DPP10: variants seen among roughly 807,000 people sequenced by gnomAD.
The protein encoded by DPP10 is inactive dipeptidyl peptidase 10.
A neutral mutation model predicts 120.9 loss-of-function variants in DPP10; 33 were observed. That is an observed-to-expected ratio of 0.27 (90% confidence interval 0.21 to 0.37). The LOEUF (loss-of-function observed/expected upper bound fraction) is 0.37. DPP10 is among the 10% of genes least tolerant of loss of function. The pLI, the probability that DPP10 is intolerant of heterozygous loss-of-function variation, is 1.00. For synonymous variants in DPP10, 337 were observed against 326.1 expected (o/e 1.03, Z -0.36); for missense variants, 816 against 942.8 (o/e 0.87, Z 1.76).
chr2:115,464,775 T>G (rs2074214781), intron 3 of DPP10, among the ~76,000 whole-genome samples: 1 of 152,124 alleles, frequency 6.6e-6, no homozygotes, highest in African/African-American at 2.4e-5. Context: ...CCCCTTGGCC[T>G]TATGGAATCC....
chr2:115,842,382 G>A lies in DPP10; in HGVS notation c.*37G>A. On this transcript the variant is annotated 3_prime_UTR_variant, in exon 26 of 26. Coordinates refer to ENST00000410059, the MANE Select transcript of DPP10 (RefSeq NM_020868.6). ...TATACAGAACTGAAGGGAATATTGA[G>A]GCTCAATGAAACCTGACAAAGAGAC... 2 of 1,587,706 alleles carry A rather than the reference G, an allele frequency of 1.3e-6. No individual in the cohort carries two copies. The highest frequency in any genetic ancestry group is 8.6e-7 in the Non-Finnish European group (1 of 1,163,066).
rs114623637 is a variant in DPP10 at position 114,592,778 on chromosome 2, A to G, written c.60+149940A>G. Among the ~76,000 whole-genome samples the G allele has an allele frequency of 9.6e-3, 1,468 of 152,328 alleles. 25 individuals carry two copies. Among genetic ancestry groups the G allele is most frequent in the African/African-American group, 0.033 (1,389 of 41,586 alleles). ...TATATATATTCTAATGAGTATATCAAATTGAAGGTTCACAAAAATATATAC... is the reference window on the plus strand; with the variant it reads ...TATATATATTCTAATGAGTATATCAGATTGAAGGTTCACAAAAATATATAC... On this transcript the variant is annotated intron_variant, in intron 1 of 25. Coordinates refer to ENST00000410059, the MANE Select transcript of DPP10 (RefSeq NM_020868.6).
At chr2:115,474,298 GAGA>G (rs996730198) in intron 3 of DPP10, among the ~76,000 whole-genome samples, 33 of 152,256 alleles carry the variant, frequency 2.2e-4, no homozygotes, top group African/African-American at 7.9e-4. Context: ...CATATGATAA[GAGA>G]AGAAAGTGAG....
intron 4 of DPP10, among the ~76,000 whole-genome samples, chr2:115,519,403 G>A (rs980326727): frequency 6.6e-6 from 1 of 151,996 alleles, no homozygotes; most frequent in Non-Finnish European, 1.5e-5. Context: ...ATATCAAAAT[G>A]CATGGTAACA....
chr2:114,701,730 G>C (rs746175304), intron 1 of DPP10, among the ~76,000 whole-genome samples: 2 of 152,188 alleles, frequency 1.3e-5, no homozygotes, highest in Non-Finnish European at 2.9e-5. Flanking sequence ...TGATGGGAAT[G>C]GGGGGTGGGC....
intron 1 of DPP10, among the ~76,000 whole-genome samples, chr2:114,450,308 T>TACCTAATCGCCGATGTTCTC: frequency 6.6e-6 from 1 of 152,314 alleles, no homozygotes; most frequent in South Asian, 2.1e-4. Flanking sequence ...GTTATGTTCT[T>TACCTAATCGCCGATGTTCTC]ACCTAATCGC....
At chr2:114,815,481 GT>G (rs1207923882) in intron 1 of DPP10, among the ~76,000 whole-genome samples, 2 of 152,112 alleles carry the variant, frequency 1.3e-5, no homozygotes, top group Non-Finnish European at 2.9e-5. Flanking sequence ...GGACAGAAGG[GT>G]TACAATCATG....
At chr2:114,995,444 G>A (rs1021825356) in intron 1 of DPP10, among the ~76,000 whole-genome samples, 1 of 151,552 alleles carries the variant, frequency 6.6e-6, no homozygotes, top group African/African-American at 2.4e-5. Context: ...AATGAGTGCT[G>A]TATCTTATTT....
At chr2:115,139,634 C>A (rs1248385644) in intron 1 of DPP10, among the ~76,000 whole-genome samples, 1 of 142,614 alleles carries the variant, frequency 7.0e-6, no homozygotes, top group Non-Finnish European at 1.5e-5. Flanking sequence ...CTAAGTGGGC[C>A]AGAGGTGAAA....
At chr2:115,100,326 G>A (rs547188758) in intron 1 of DPP10, among the ~76,000 whole-genome samples, 3 of 152,240 alleles carry the variant, frequency 2.0e-5, no homozygotes, top group African/African-American at 7.2e-5. Context: ...GCACATGCCT[G>A]TAGTCCTAGC....
chr2:114,770,644 G>A (rs11900288), intron 1 of DPP10, among the ~76,000 whole-genome samples: 9,848 of 152,258 alleles, frequency 0.065, 963 homozygotes, highest in African/African-American at 0.21. Context: ...TTGCACATTT[G>A]TATAACTGGG....
intron 1 of DPP10, among the ~76,000 whole-genome samples, chr2:114,688,006 A>T (rs1276688266): frequency 6.6e-6 from 1 of 152,026 alleles, no homozygotes; most frequent in East Asian, 1.9e-4. Flanking sequence ...CCACTTATAG[A>T]TGATAAATTT....
At chr2:115,167,013 T>A (rs961008898) in intron 1 of DPP10, among the ~76,000 whole-genome samples, 3 of 152,194 alleles carry the variant, frequency 2.0e-5, no homozygotes, top group African/African-American at 4.8e-5. Flanking sequence ...TCACTGTCTA[T>A]GGGTTATGCA....
chr2:115,481,027 A>G (rs971917004), intron 3 of DPP10, among the ~76,000 whole-genome samples: 12 of 152,178 alleles, frequency 7.9e-5, no homozygotes, highest in Admixed American at 7.9e-4. Context: ...TATTTCTAGC[A>G]TGGCAGGAAG....
intron 3 of DPP10, among the ~76,000 whole-genome samples, chr2:115,386,959 A>T (rs866194410): frequency 1.3e-5 from 2 of 152,008 alleles, no homozygotes; most frequent in Middle Eastern, 6.8e-3. Context: ...GCCTCCCTTT[A>T]AAGAGTGCTA....
intron 5 of DPP10, among the ~76,000 whole-genome samples, chr2:115,641,098 T>A (rs947023800): frequency 6.6e-6 from 1 of 152,142 alleles, no homozygotes; most frequent in Non-Finnish European, 1.5e-5. Context: ...ACAGCAACAA[T>A]TGTACTGATT....
In DPP10 at chr2:115,554,814, A is replaced by T. The variant is rs892068777; in HGVS notation, c.441+28842A>T. 4.6e-5 allele frequency among the ~76,000 whole-genome samples: 7 copies of T among 152,102 alleles called. No homozygotes were observed. In the East Asian group the frequency reaches 1.3e-3, roughly 29 times the overall value. The stretch of plus-strand genomic sequence containing the variant: ...GTACAGGGCTCTTCTTTTTCATCAT[A>T]TCACTAAAAATATACATTTCCTTGG... On this transcript the variant is annotated intron_variant, in intron 5 of 25. Coordinates refer to ENST00000410059, the MANE Select transcript of DPP10 (RefSeq NM_020868.6).
chr2:115,604,160 C>T (rs2083546424), intron 5 of DPP10, among the ~76,000 whole-genome samples: 1 of 151,244 alleles, frequency 6.6e-6, no homozygotes, highest in African/African-American at 2.4e-5. Context: ...GATTCCCTTT[C>T]AAACAAATGA....
At chr2:115,283,508 A>T (rs765651444) in intron 1 of DPP10, among the ~76,000 whole-genome samples, 3 of 152,066 alleles carry the variant, frequency 2.0e-5, no homozygotes, top group Admixed American at 6.6e-5. Flanking sequence ...GCCATTCTTG[A>T]TAACTATTGC....
Sources: allele counts gnomAD v4.1 joint callset (sites outside exome capture counted in the v4.1 genomes callset), GRCh38; gene constraint gnomAD v4.1.1; transcripts MANE v1.5; gene names NCBI Gene and HGNC (gene_info 2026-07-23, HGNC 2026-07-21).